F2RL1: variants seen among roughly 807,000 people sequenced by gnomAD.
The protein encoded by F2RL1 is proteinase-activated receptor 2.
A neutral mutation model predicts 21.7 loss-of-function variants in F2RL1; 16 were observed. That is an observed-to-expected ratio of 0.74 (90% confidence interval 0.50 to 1.12). The LOEUF (loss-of-function observed/expected upper bound fraction) is 1.12. F2RL1 is among the 50% of genes most tolerant of loss of function. The probability of loss-of-function intolerance (pLI) is 0.00; values close to 1 mark genes in which losing one functional copy is unlikely to be tolerated. For missense variants in F2RL1, 432 were observed against 477.8 expected, an observed-to-expected ratio of 0.90 and a Z score of 0.89; for synonymous variants, 181 against 186.7, an observed-to-expected ratio of 0.97 and a Z score of 0.25.
chr5:76,826,113 C>T (rs531639150), intron 1 of F2RL1, among the ~76,000 whole-genome samples: 7 of 152,110 alleles, frequency 4.6e-5, no homozygotes, highest in Non-Finnish European at 7.4e-5. Flanking sequence ...TCACCTCCCA[C>T]TCCTCTTCCC....
At chr5:76,821,587 G>T (rs1217346811) in intron 1 of F2RL1, among the ~76,000 whole-genome samples, 15 of 132,994 alleles carry the variant, frequency 1.1e-4, no homozygotes, top group South Asian at 2.4e-4. Flanking sequence ...GGTTTTTTGG[G>T]TTTTTTTTTT....
intron 1 of F2RL1, among the ~76,000 whole-genome samples, chr5:76,821,999 C>T (rs377374788): frequency 2.6e-5 from 4 of 152,216 alleles, no homozygotes; most frequent in African/African-American, 7.2e-5. Context: ...AAGTAGCCAC[C>T]GCTAATATTT....
At chr5:76,829,358 A>G (rs1474441460) in intron 1 of F2RL1, among the ~76,000 whole-genome samples, 1 of 151,604 alleles carries the variant, frequency 6.6e-6, no homozygotes, top group African/African-American at 2.4e-5. Flanking sequence ...TGGCCTCTCA[A>G]AGTGCTGGGT....
At chr5:76,824,771 T>A (rs1216379972) in intron 1 of F2RL1, among the ~76,000 whole-genome samples, 2 of 152,218 alleles carry the variant, frequency 1.3e-5, no homozygotes, top group African/African-American at 4.8e-5. Flanking sequence ...AGTAAATTGC[T>A]AGGTCATATG....
intron 1 of F2RL1, among the ~76,000 whole-genome samples, chr5:76,827,359 C>T (rs1178524231): frequency 6.9e-6 from 1 of 145,798 alleles, no homozygotes; most frequent in Non-Finnish European, 1.5e-5. Flanking sequence ...ATTAGCCAGG[C>T]GTGGTGGCAG....
intron 1 of F2RL1, among the ~76,000 whole-genome samples, chr5:76,819,623 A>G (rs1357164309): frequency 1.3e-5 from 2 of 152,160 alleles, no homozygotes; most frequent in Admixed American, 1.3e-4. Context: ...CAGAGGACCT[A>G]GTCCCCTCCC....
Position 76,833,165 on chromosome 5 carries a change from G to A in F2RL1, c.558G>A (p.Lys186=), listed in dbSNP as rs1750383613. The part of the protein sequence containing the change: ...VIVNPMGHSR[K]KANIAIGISL... ...TGAACCCCATGGGGCACTCCAGGAA[G>A]AAGGCAAACATTGCCATTGGCATCT... The change falls in exon 2 of 2, where the codon AAG becomes AAA. Residue 186 remains lysine (K), a synonymous_variant. Coordinates refer to ENST00000296677, the MANE Select transcript of F2RL1 (RefSeq NM_005242.6). 6.2e-7 allele frequency: 1 copy of A among 1,614,202 alleles called. No homozygotes were observed. Among genetic ancestry groups the A allele is most frequent in the Non-Finnish European group, 8.5e-7 (1 of 1,180,022 alleles).
rs766077927 is a variant in F2RL1 at position 76,833,074 on chromosome 5, ATGGCAACATGTAC to A, written c.470_482del (p.Gly157ValfsTer6). ...TGTAATGTGCTTATTGGCTTTTTCTATGGCAACATGTACTGTTCCATTCTCTTCATGACCTGCC... is the reference window on the plus strand; with the variant it reads ...TGTAATGTGCTTATTGGCTTTTTCTATGTTCCATTCTCTTCATGACCTGCC... On this transcript the variant is annotated frameshift_variant, in exon 2 of 2. Coordinates refer to ENST00000296677, the MANE Select transcript of F2RL1 (RefSeq NM_005242.6). LOFTEE classifies it high-confidence loss of function. 1 of 1,614,202 alleles carries A rather than the reference ATGGCAACATGTAC, an allele frequency of 6.2e-7. No individual in the cohort carries two copies. The highest frequency in any genetic ancestry group is 1.1e-5 in the South Asian group (1 of 91,084).
intron 1 of F2RL1, among the ~76,000 whole-genome samples, chr5:76,825,356 T>A (rs924319538): frequency 6.6e-5 from 10 of 152,114 alleles, no homozygotes; most frequent in Non-Finnish European, 1.5e-4. Flanking sequence ...CATTTCAATA[T>A]TATTGGCTAC....
At position 76,822,219 on chromosome 5, in the gene F2RL1, A is replaced by AT. The variant is rs926842068; in HGVS notation, c.82+2965dup. On this transcript the variant is annotated intron_variant, in intron 1 of 1. Coordinates refer to ENST00000296677, the MANE Select transcript of F2RL1 (RefSeq NM_005242.6). Reference sequence around the variant, plus strand: ...TTGTTGATAGACATGTGGTATTTCCATTTTTTTTTTCCCCCTGAGATAGAA... The same window carrying AT: ...TTGTTGATAGACATGTGGTATTTCCATTTTTTTTTTTCCCCCTGAGATAGAA... Among the ~76,000 whole-genome samples, 15 of 149,350 alleles carry AT rather than the reference A, an allele frequency of 1.0e-4. No individual in the cohort carries two copies. The East Asian group carries it at 1.6e-3, about 16-fold the overall frequency.
At chr5:76,824,006 G>T (rs1320232817) in intron 1 of F2RL1, among the ~76,000 whole-genome samples, 3 of 151,104 alleles carry the variant, frequency 2.0e-5, no homozygotes, top group African/African-American at 4.9e-5. Context: ...TAGAGACAGG[G>T]TTTAACCGTG....
intron 1 of F2RL1, among the ~76,000 whole-genome samples, chr5:76,823,185 G>C (rs572196930): frequency 5.3e-5 from 8 of 150,640 alleles, no homozygotes; most frequent in Non-Finnish European, 1.0e-4. Context: ...AGCCGAGATC[G>C]TGCCTCTGCA....
chr5:76,830,280 C>T (rs1750327417), intron 1 of F2RL1, among the ~76,000 whole-genome samples: 1 of 152,166 alleles, frequency 6.6e-6, no homozygotes. Context: ...CTGCTTTTCT[C>T]TCTGTTTTGT....
At chr5:76,832,601 A>G in intron 1 of F2RL1, 89 bp from the exon 2 acceptor site, 1 of 1,280,406 alleles carries the variant, frequency 7.8e-7, no homozygotes, top group South Asian at 1.5e-5. Flanking sequence ...TAAAAAATGA[A>G]TAAATGAATG....
At chr5:76,832,018 A>AG (rs1433623601) in intron 1 of F2RL1, among the ~76,000 whole-genome samples, 1 of 151,978 alleles carries the variant, frequency 6.6e-6, no homozygotes, top group Non-Finnish European at 1.5e-5. Context: ...TAAAAAAAAA[A>AG]AAAATAATAA....
intron 1 of F2RL1, among the ~76,000 whole-genome samples, chr5:76,828,837 C>T (rs575020298): frequency 2.8e-4 from 43 of 152,042 alleles, no homozygotes; most frequent in African/African-American, 9.2e-4. Flanking sequence ...TATTTTAGGC[C>T]GGGTGCAGTG....
In F2RL1 at chr5:76,832,703, C is replaced by T. The variant is rs149644507; in HGVS notation, c.96C>T (p.Ser32=). 8.7e-6 allele frequency: 14 copies of T among 1,607,162 alleles called. No individual in the cohort carries two copies. Among genetic ancestry groups the T allele is most frequent in the Admixed American group, 5.1e-5 (3 of 59,368 alleles). The change falls in exon 2 of 2, where the codon TCC becomes TCT. Residue 32 remains serine, a synonymous_variant. Coordinates refer to ENST00000296677, the MANE Select transcript of F2RL1 (RefSeq NM_005242.6). ...CSGTIQGTSR[S]SKGRSLIGKV... The stretch of plus-strand genomic sequence containing the variant: ...TTTCTTGTACAGGAACCAGTAGATC[C>T]TCTAAAGGAAGAAGCCTTATTGGTA...
intron 1 of F2RL1, among the ~76,000 whole-genome samples, chr5:76,820,524 G>A (rs1750114847): frequency 6.6e-6 from 1 of 152,058 alleles, no homozygotes; most frequent in Non-Finnish European, 1.5e-5. Context: ...ATCAGCATCA[G>A]AATAAAGGCA....
chr5:76,832,509 C>T (rs2243059), intron 1 of F2RL1, among the ~76,000 whole-genome samples, 181 bp from the exon 2 acceptor site: 81,463 of 151,990 alleles, frequency 0.54, 22,329 homozygotes, highest in South Asian at 0.72. Context: ...ATTGCTTGAG[C>T]CCAAAAGTTT....
Sources: allele counts gnomAD v4.1 joint callset (sites outside exome capture counted in the v4.1 genomes callset), GRCh38; gene constraint gnomAD v4.1.1; transcripts MANE v1.5; gene names NCBI Gene and HGNC (gene_info 2026-07-23, HGNC 2026-07-21).